The following LMO7 variants were observed in gnomAD, a reference collection of about 807,000 sequenced individuals.
LMO7 encodes LIM domain 7.
Under a neutral mutation model 206.5 loss-of-function variants are expected in LMO7, and 120 were observed. The ratio of observed to expected loss-of-function variants is 0.58; its 90% CI spans 0.50 to 0.68. The LOEUF is 0.68. LMO7 is among the 30% of genes least tolerant of loss of function. LMO7 has a pLI of 0.00. For missense variants in LMO7, 1,959 were observed against 1,957.9 expected, an observed-to-expected ratio of 1.00 and a Z score of -0.01; for synonymous variants, 706 against 681.5, an observed-to-expected ratio of 1.04 and a Z score of -0.56.
At chr13:75,803,200 T>A (rs1483583049) in intron 7 of LMO7, among the ~76,000 whole-genome samples, 1 of 152,204 alleles carries the variant, frequency 6.6e-6, no homozygotes, top group Non-Finnish European at 1.5e-5. Flanking sequence ...CTCCTTTTAC[T>A]CTGTCCCTGT....
intron 23 of LMO7, 124 bp downstream of exon 23, chr13:75,841,325 GAAAAA>G: frequency 1.5e-6 from 1 of 664,922 alleles, no homozygotes; most frequent in Non-Finnish European, 2.6e-6. Flanking sequence ...GTAGCTCTTT[GAAAAA>G]TACAATGAGC....
At chr13:75,838,257 C>A in intron 20 of LMO7, 61 bp downstream of exon 20, 1 of 1,523,214 alleles carries the variant, frequency 6.6e-7, no homozygotes, top group Non-Finnish European at 9.1e-7. Flanking sequence ...CTCCACTCTT[C>A]CTCATGGTCT....
intron 1 of LMO7, among the ~76,000 whole-genome samples, chr13:75,678,382 G>C (rs1450697713): frequency 6.6e-5 from 10 of 152,178 alleles, no homozygotes; most frequent in Middle Eastern, 3.2e-3. Flanking sequence ...TTGCATTTCT[G>C]TGATGGCCAG....
chr13:75,763,965 TCAGA>T (rs760642733), intron 4 of LMO7, among the ~76,000 whole-genome samples: 6 of 152,198 alleles, frequency 3.9e-5, no homozygotes, highest in Non-Finnish European at 7.4e-5. Flanking sequence ...TTTTCACCAA[TCAGA>T]CAGAGCTAGA....
chr13:75,857,396 A>C (rs185574730), intron 30 of LMO7: 1 of 152,276 alleles, frequency 6.6e-6, no homozygotes, highest in Non-Finnish European at 1.5e-5. Flanking sequence ...TGAGGTATTT[A>C]TATGGCCCCT....
At position 75,713,043 on chromosome 13, in the gene LMO7, C is replaced by A. The variant is rs1254889315; in HGVS notation, c.70-139C>A. ...AGACAGTACATATTCCTATAAGGAACAGATTATAGGATATAACAGTCTATA... is the reference window on the plus strand; with the variant it reads ...AGACAGTACATATTCCTATAAGGAAAAGATTATAGGATATAACAGTCTATA... On this transcript the variant is annotated intron_variant, in intron 1 of 30. Coordinates refer to ENST00000377534, the MANE Select transcript of LMO7 (RefSeq NM_001306080.2). The A allele has an allele frequency of 1.7e-4, 89 of 513,800 alleles. 2 individuals carry two copies. In the East Asian group the frequency reaches 2.7e-3, roughly 16 times the overall value. The allele number at this position is 513,800 out of a possible 1,614,324, so 31.8% of individuals were successfully genotyped here.
chr13:75,659,592 T>C (rs1389354065), intron 1 of LMO7, among the ~76,000 whole-genome samples: 1 of 152,120 alleles, frequency 6.6e-6, no homozygotes. Context: ...TTATTCACTA[T>C]GACAAGAATA....
chr13:75,638,527 T>A (rs1212859515), intron 1 of LMO7, among the ~76,000 whole-genome samples: 1 of 152,244 alleles, frequency 6.6e-6, no homozygotes, highest in African/African-American at 2.4e-5. Flanking sequence ...TGGATCTTCC[T>A]AAAGGTACTG....
chr13:75,804,204 G>A (rs2055144692), intron 7 of LMO7, 85 bp from the exon 8 acceptor site: 12 of 1,399,584 alleles, frequency 8.6e-6, no homozygotes, highest in Non-Finnish European at 1.2e-5. Context: ...GGTTTCTAAG[G>A]GAAAGACAAA....
intron 3 of LMO7, among the ~76,000 whole-genome samples, chr13:75,732,031 G>A (rs575637807): frequency 2.6e-5 from 4 of 152,214 alleles, no homozygotes; most frequent in South Asian, 4.2e-4. Flanking sequence ...TGGGTAACCC[G>A]TCCTTTCTCT....
chr13:75,737,859 A>AC (rs1314521154), intron 3 of LMO7, among the ~76,000 whole-genome samples: 1 of 146,488 alleles, frequency 6.8e-6, no homozygotes, highest in Non-Finnish European at 1.5e-5. Context: ...AAAAAAAAAA[A>AC]AAAAACACAG....
chr13:75,661,363 A>G (rs891255245), intron 1 of LMO7, among the ~76,000 whole-genome samples: 13 of 152,252 alleles, frequency 8.5e-5, no homozygotes, highest in South Asian at 2.1e-4. Context: ...ATTCACATCT[A>G]TGAAAATGCT....
intron 4 of LMO7, among the ~76,000 whole-genome samples, chr13:75,787,006 A>G (rs1002454652): frequency 6.6e-6 from 1 of 152,196 alleles, no homozygotes; most frequent in African/African-American, 2.4e-5. Flanking sequence ...TTTAAGTCCT[A>G]CTTTATACTT....
chr13:75,785,071 A>T (rs1024094508), intron 4 of LMO7, among the ~76,000 whole-genome samples: 9 of 152,148 alleles, frequency 5.9e-5, no homozygotes, highest in Non-Finnish European at 1.2e-4. Context: ...TGTCAGAAAA[A>T]ATGGCAGTGG....
At chr13:75,707,117 T>C (rs1380445560) in intron 1 of LMO7, among the ~76,000 whole-genome samples, 1 of 151,672 alleles carries the variant, frequency 6.6e-6, no homozygotes, top group Non-Finnish European at 1.5e-5. Flanking sequence ...TTTGGCTTCT[T>C]CTGAATGTTG....
intron 3 of LMO7, among the ~76,000 whole-genome samples, chr13:75,743,494 A>G (rs909580646): frequency 1.3e-5 from 2 of 152,238 alleles, no homozygotes; most frequent in African/African-American, 4.8e-5. Context: ...TATGGTACAT[A>G]TATAGCATAG....
chr13:75,791,786 G>T (rs1362542993), intron 4 of LMO7, among the ~76,000 whole-genome samples: 1 of 152,200 alleles, frequency 6.6e-6, no homozygotes, highest in Non-Finnish European at 1.5e-5. Context: ...TTACAGCCTT[G>T]TAATAATTCT....
chr13:75,808,768 A>G (rs1340221891), intron 10 of LMO7, among the ~76,000 whole-genome samples: 1 of 152,188 alleles, frequency 6.6e-6, no homozygotes, highest in Non-Finnish European at 1.5e-5. Context: ...GTATGTAATC[A>G]TGGCCATTTT....
intron 29 of LMO7, 39 bp from the exon 30 acceptor site, chr13:75,856,467 C>A (rs767066163): frequency 7.8e-7 from 1 of 1,288,152 alleles, no homozygotes; most frequent in Admixed American, 1.7e-5. Context: ...CTTTCTTGAG[C>A]TGACTGATTG....
Sources: gnomAD v4.1 joint callset for allele counts (sites outside exome capture counted in the v4.1 genomes callset) on GRCh38, gnomAD v4.1.1 for gene constraint, MANE v1.5 for transcripts, NCBI Gene and HGNC (gene_info 2026-07-23, HGNC 2026-07-21) for gene names.